Variants in GPHN observed in about 807,000 individuals in gnomAD.
GPHN encodes the protein gephyrin.
A neutral mutation model predicts 95.5 loss-of-function variants in GPHN; 17 were observed. The ratio of observed to expected loss-of-function variants is 0.18; its 90% CI spans 0.12 to 0.27. GPHN has a LOEUF of 0.27. GPHN is among the 10% of genes least tolerant of loss of function. The probability of loss-of-function intolerance (pLI) is 1.00; values close to 1 mark genes in which losing one functional copy is unlikely to be tolerated. For missense variants in GPHN, 660 were observed against 978.1 expected (o/e 0.67, Z 4.34); for synonymous variants, 320 against 322.5 (o/e 0.99, Z 0.08).
the GPHN span, among the ~76,000 whole-genome samples, chr14:67,507,024 A>G: frequency 6.6e-6 from 1 of 152,198 alleles, no homozygotes; most frequent in South Asian, 2.1e-4. Flanking sequence ...AGCCTTGTTC[A>G]AAGGGAACTG....
At chr14:66,886,719 GA>G (rs2064213589) in intron 5 of GPHN, among the ~76,000 whole-genome samples, 1 of 152,026 alleles carries the variant, frequency 6.6e-6, no homozygotes, top group Non-Finnish European at 1.5e-5. Context: ...GAAGAAAACT[GA>G]ACAGAGCCTA....
the GPHN span, chr14:67,593,918 G>A: frequency 6.2e-7 from 1 of 1,613,308 alleles, no homozygotes; most frequent in Non-Finnish European, 8.5e-7. Context: ...ACCTAAGAGG[G>A]TGATGAAGAT....
the GPHN span, among the ~76,000 whole-genome samples, chr14:67,225,646 T>C: frequency 6.6e-6 from 1 of 152,312 alleles, no homozygotes; most frequent in Admixed American, 6.5e-5. Context: ...ATACAGATAT[T>C]CGTAGAGTGC....
At chr14:67,323,078 A>C in the GPHN span, among the ~76,000 whole-genome samples, 1 of 152,030 alleles carries the variant, frequency 6.6e-6, no homozygotes, top group Non-Finnish European at 1.5e-5. Context: ...TCTGTATGTG[A>C]TCTTATTATT....
At chr14:66,764,259 T>TCA (rs2058875551) in intron 2 of GPHN, among the ~76,000 whole-genome samples, 2 of 152,020 alleles carry the variant, frequency 1.3e-5, no homozygotes, top group African/African-American at 4.8e-5. Context: ...TGTTCGTGGG[T>TCA]CACACACAAA....
intron 1 of GPHN, among the ~76,000 whole-genome samples, chr14:66,526,834 C>T (rs747311552): frequency 6.6e-6 from 1 of 152,130 alleles, no homozygotes; most frequent in Non-Finnish European, 1.5e-5. Flanking sequence ...CTGACTTGAT[C>T]ATGGTGGAAA....
chr14:66,980,193 C>T (rs548288525), intron 9 of GPHN, among the ~76,000 whole-genome samples: 14 of 152,156 alleles, frequency 9.2e-5, no homozygotes, highest in Non-Finnish European at 1.5e-4. Context: ...AAATTGGTGA[C>T]GATAGATTCG....
At chr14:66,799,464 A>G (rs1261713952) in intron 3 of GPHN, among the ~76,000 whole-genome samples, 1 of 151,912 alleles carries the variant, frequency 6.6e-6, no homozygotes, top group Non-Finnish European at 1.5e-5. Context: ...AGCTGTAGTA[A>G]TATTTGCATT....
chr14:66,991,295 A>T (rs777949470), intron 9 of GPHN, among the ~76,000 whole-genome samples: 1 of 152,178 alleles, frequency 6.6e-6, no homozygotes, highest in African/African-American at 2.4e-5. Flanking sequence ...TAATGACTAC[A>T]AAAATTACTA....
intron 2 of GPHN, among the ~76,000 whole-genome samples, chr14:66,683,353 T>TGTTCATATATATATGTTC: frequency 3.0e-5 from 1 of 33,006 alleles, no homozygotes; most frequent in East Asian, 1.1e-3. Flanking sequence ...TATATATATA[T>TGTTCATATATATATGTTC]ATATATATAT....
At chr14:66,778,550 TGAA>T (rs1248550517) in intron 3 of GPHN, among the ~76,000 whole-genome samples, 2 of 152,068 alleles carry the variant, frequency 1.3e-5, no homozygotes, top group African/African-American at 2.4e-5. Flanking sequence ...ATATTAATAA[TGAA>T]GAATAAACAA....
At chr14:67,225,076 C>G in the GPHN span, 1 of 1,505,592 alleles carries the variant, frequency 6.6e-7, no homozygotes, top group Non-Finnish European at 8.9e-7. Flanking sequence ...CTCTATTGAT[C>G]TCTCCTTTAC....
At chr14:67,395,354 A>G in the GPHN span, 1 of 1,568,046 alleles carries the variant, frequency 6.4e-7, no homozygotes. Flanking sequence ...TGCCCACCCA[A>G]CACAGGCAGG....
the GPHN span, among the ~76,000 whole-genome samples, chr14:67,206,897 T>G: frequency 6.6e-6 from 1 of 151,992 alleles, no homozygotes; most frequent in Non-Finnish European, 1.5e-5. Flanking sequence ...GCCCAGTTAA[T>G]TTTTGTATTT....
the GPHN span, among the ~76,000 whole-genome samples, chr14:67,300,331 A>G: frequency 8.3e-6 from 1 of 120,998 alleles, no homozygotes; most frequent in Non-Finnish European, 1.6e-5. Flanking sequence ...TGTATTATGA[A>G]TTACCTTTTT....
the GPHN span, among the ~76,000 whole-genome samples, chr14:67,622,779 T>A: frequency 1.3e-5 from 2 of 152,234 alleles, no homozygotes; most frequent in African/African-American, 4.8e-5. Context: ...CAAATTGCTC[T>A]ACCGTCTGTA....
chr14:67,562,759 G>A, the GPHN span: 12 of 1,613,858 alleles, frequency 7.4e-6, no homozygotes, highest in Non-Finnish European at 8.5e-6. Flanking sequence ...AACCAGAGAA[G>A]ATGGAGATGG....
the GPHN span, among the ~76,000 whole-genome samples, chr14:67,259,086 G>A: frequency 2.1e-4 from 31 of 148,946 alleles, no homozygotes; most frequent in East Asian, 4.2e-4. Context: ...CAAGTGATCC[G>A]CCTGCCTCGG....
intron 2 of GPHN, among the ~76,000 whole-genome samples, chr14:66,750,623 T>G (rs1301321129): frequency 6.6e-6 from 1 of 151,978 alleles, no homozygotes; most frequent in Non-Finnish European, 1.5e-5. Context: ...CTTTAATTTT[T>G]TGGTAGCAGG....
Sources: allele counts gnomAD v4.1 joint callset (sites outside exome capture counted in the v4.1 genomes callset), GRCh38; gene constraint gnomAD v4.1.1; transcripts MANE v1.5; gene names NCBI Gene and HGNC (gene_info 2026-07-23, HGNC 2026-07-21).